Variants in IQCK observed in about 807,000 individuals in gnomAD.
IQCK encodes the protein IQ domain-containing protein K.
IQCK carries 29 observed loss-of-function variants against 28.1 expected under a neutral mutation model. The observed-to-expected ratio is 1.03, with a 90% CI of 0.77 to 1.41. The LOEUF is 1.41. Among genes scored for constraint, IQCK ranks in the 40% most tolerant of loss-of-function variants. IQCK has a pLI of 0.00. For synonymous variants in IQCK, 113 were observed against 115.1 expected, an observed-to-expected ratio of 0.98 and a Z score of 0.12; for missense variants, 359 against 314.7, an observed-to-expected ratio of 1.14 and a Z score of -1.07.
intron 6 of IQCK, among the ~76,000 whole-genome samples, chr16:19,766,888 A>G (rs535483954): frequency 6.6e-6 from 1 of 152,320 alleles, no homozygotes; most frequent in South Asian, 2.1e-4. Flanking sequence ...TGGCCAATGC[A>G]GTAAAACCCC....
At chr16:19,761,737 C>G (rs769285180) in intron 4 of IQCK, 1 of 238,088 alleles carries the variant, frequency 4.2e-6, no homozygotes, top group Non-Finnish European at 8.4e-6. Flanking sequence ...TCTGGGATGT[C>G]TTTTCCCTTG....
At chr16:19,855,064 A>T (rs139017287) in intron 9 of IQCK, among the ~76,000 whole-genome samples, 10 of 152,320 alleles carry the variant, frequency 6.6e-5, no homozygotes, top group Non-Finnish European at 1.3e-4. Flanking sequence ...ACAATTTGAT[A>T]GTTGTCAAAC....
At chr16:19,824,988 C>T (rs1338531474) in intron 7 of IQCK, among the ~76,000 whole-genome samples, 1 of 152,194 alleles carries the variant, frequency 6.6e-6, no homozygotes, top group Non-Finnish European at 1.5e-5. Flanking sequence ...GGGTTCGATG[C>T]CCCTTTGTTT....
chr16:19,734,450 A>G (rs1325140309), intron 3 of IQCK, among the ~76,000 whole-genome samples: 2 of 116,668 alleles, frequency 1.7e-5, no homozygotes, highest in East Asian at 4.6e-4. Flanking sequence ...ACAGACTAAG[A>G]CTCCATCACA....
Position 19,814,872 on chromosome 16 carries a change from G to A in IQCK, c.691-12154G>A, listed in dbSNP as rs181570440. Among the ~76,000 whole-genome samples, 3 of 144,042 alleles carry A rather than the reference G, an allele frequency of 2.1e-5. No homozygotes were observed. In the Admixed American group the frequency reaches 2.2e-4, roughly 10 times the overall value. 94.5% of individuals were successfully genotyped at this position (144,042 alleles called of 152,430 possible). ...GTGCAGTCACATTGACTGCACCCTCGACCTTCTGGGCTCAAGCAATCCTGC... is the reference window on the plus strand; with the variant it reads ...GTGCAGTCACATTGACTGCACCCTCAACCTTCTGGGCTCAAGCAATCCTGC... On this transcript the variant is annotated intron_variant, in intron 7 of 7. Transcript: ENST00000564186.
intron 7 of IQCK, among the ~76,000 whole-genome samples, chr16:19,816,428 C>A (rs568718930): frequency 5.9e-5 from 9 of 152,092 alleles, no homozygotes; most frequent in Non-Finnish European, 5.9e-5. Flanking sequence ...ATTACAGGTG[C>A]GTGCCACCAC....
chr16:19,827,213 C>T (rs779848530), downstream of IQCK: 2 of 1,060,152 alleles, frequency 1.9e-6, no homozygotes, highest in Non-Finnish European at 2.9e-6. Flanking sequence ...GAAGGAGGCC[C>T]TCTGAGCTTT....
intron 4 of IQCK, among the ~76,000 whole-genome samples, chr16:19,742,663 T>C (rs1387348366): frequency 2.0e-5 from 3 of 152,360 alleles, no homozygotes; most frequent in Non-Finnish European, 4.4e-5. Flanking sequence ...TTGATGCCAT[T>C]CAAATTATAT....
chr16:19,733,683 C>G lies in IQCK; in HGVS notation c.247-15C>G, dbSNP rs1240451314. On this transcript the variant is annotated splice_polypyrimidine_tract_variant and intron_variant, in intron 2 of 7. Coordinates refer to ENST00000564186, the Ensembl canonical transcript of IQCK. ...TGTTTAAATGAATTGCCTCCCCTCC[C>G]CTGTCTGCCTCCAGGTTGCGCCAGT... 4.3e-6 allele frequency: 7 copies of G among 1,613,438 alleles called. No homozygotes were observed. The highest frequency in any genetic ancestry group is 5.9e-6 in the Non-Finnish European group (7 of 1,179,836).
At chr16:19,829,246 C>T (rs1211682168), downstream of IQCK, among the ~76,000 whole-genome samples, 1 of 151,834 alleles carries the variant, frequency 6.6e-6, no homozygotes, top group Non-Finnish European at 1.5e-5. Flanking sequence ...TGTCCCCATC[C>T]TCCCTCAGTG....
intron 7 of IQCK, among the ~76,000 whole-genome samples, chr16:19,803,746 G>C (rs577794769): frequency 1.3e-5 from 2 of 152,262 alleles, no homozygotes; most frequent in African/African-American, 4.8e-5. Flanking sequence ...TTGAACTCAT[G>C]AGTTCAAACG....
intron 7 of IQCK, among the ~76,000 whole-genome samples, chr16:19,808,082 G>C (rs1033592253): frequency 1.3e-5 from 2 of 152,054 alleles, no homozygotes; most frequent in Non-Finnish European, 2.9e-5. Flanking sequence ...AAGGCGCCTG[G>C]TTTCCATGGT....
At chr16:19,832,217 A>G (rs979317266) in intron 9 of IQCK, among the ~76,000 whole-genome samples, 2 of 151,962 alleles carry the variant, frequency 1.3e-5, no homozygotes, top group African/African-American at 4.8e-5. Context: ...ATCAGATTAC[A>G]TTACCTATGT....
exon 10 of IQCK, chr16:19,857,430 ATTTC>A (rs1376157554): frequency 4.5e-6 from 2 of 440,394 alleles, no homozygotes; most frequent in East Asian, 7.2e-5. Context: ...TTGTCTTGAA[ATTTC>A]TTTAACTTCT....
At position 19,825,842 on chromosome 16, in the gene IQCK, TAG is replaced by T. The variant is rs1567195729; in HGVS notation, c.691-1182_691-1181del. On this transcript the variant is annotated intron_variant, in intron 7 of 7. Transcript: ENST00000564186. The surrounding 1 kb of genome is among the most constrained non-coding windows in gnomAD (Gnocchi z 4.2). ...TATGAAGTAAGCAGTCAGTGTTAAA[TAG>T]AACTGTGGTTAATGCATTAACTGTG... 1.2e-4 allele frequency among the ~76,000 whole-genome samples: 19 copies of T among 152,296 alleles called. No individual in the cohort carries two copies. The highest frequency in any genetic ancestry group is 4.6e-4 in the African/African-American group (19 of 41,570).
intron 6 of IQCK, among the ~76,000 whole-genome samples, chr16:19,775,391 CTTCT>C (rs1022226393): frequency 6.6e-6 from 1 of 152,092 alleles, no homozygotes; most frequent in Non-Finnish European, 1.5e-5. Context: ...CAACTACTTC[CTTCT>C]GTCTGTCTGT....
intron 7 of IQCK, among the ~76,000 whole-genome samples, chr16:19,813,124 G>T (rs1231694597): frequency 2.0e-5 from 3 of 152,232 alleles, no homozygotes; most frequent in Non-Finnish European, 4.4e-5. Flanking sequence ...AGCTGGAGAA[G>T]TAATTAGTCA....
chr16:19,727,449 T>G (rs1442878775), intron 1 of IQCK, among the ~76,000 whole-genome samples: 2 of 152,018 alleles, frequency 1.3e-5, no homozygotes, highest in East Asian at 3.9e-4. Context: ...TTGTCTGGCA[T>G]GGCAGCATGT....
chr16:19,772,630 G>A (rs1471045084), intron 6 of IQCK, among the ~76,000 whole-genome samples: 3 of 152,140 alleles, frequency 2.0e-5, no homozygotes, highest in Admixed American at 6.5e-5. Flanking sequence ...TATAATTGAA[G>A]CTGGTTGATG....
Sources: allele counts gnomAD v4.1 joint callset (sites outside exome capture counted in the v4.1 genomes callset), GRCh38; gene constraint gnomAD v4.1.1; non-coding constraint Gnocchi (gnomAD v3.1); transcripts MANE v1.5; gene names NCBI Gene and HGNC (gene_info 2026-07-23, HGNC 2026-07-21).